LRRC4: variants seen among roughly 807,000 people sequenced by gnomAD.
LRRC4 encodes the protein leucine rich repeat containing 4.
LRRC4 carries 11 observed loss-of-function variants against 37.9 expected under a neutral mutation model. The ratio of observed to expected loss-of-function variants is 0.29; its 90% CI spans 0.18 to 0.48. LRRC4 has a LOEUF of 0.48. Among genes scored for constraint, LRRC4 ranks in the 20% least tolerant of loss-of-function variants. LRRC4 has a pLI of 0.99. For synonymous variants in LRRC4, 404 were observed against 346.7 expected (o/e 1.17, Z -1.84); for missense variants, 717 against 842.1 (o/e 0.85, Z 1.84).
chr7:128,029,381 C>G lies in LRRC4; in HGVS notation c.1260G>C (p.Gly420=). ...NFSHVLLSDT[G]VYTCMVTNVA... is the part of the protein sequence containing the mutation. ...CATTGGTCACCATGCATGTGTACAC[C>G]CCAGTGTCTGAAAGCAGCACGTGGG... is the stretch of plus-strand genomic sequence containing the variant. Residue 420 remains glycine (G), a synonymous_variant, in exon 2 of 2, where the codon GGG becomes GGC. Transcript: ENST00000249363. The surrounding 1 kb of genome is among the most constrained non-coding windows in gnomAD (Gnocchi z 4.2). 1.2e-6 allele frequency: 2 copies of G among 1,614,116 alleles called. No homozygotes were observed. The highest frequency in any genetic ancestry group is 1.7e-6 in the Non-Finnish European group (2 of 1,180,038).
In LRRC4 at chr7:128,030,752, G is replaced by A. The variant is rs948005188; in HGVS notation, c.-100-12C>T. 4 of 1,334,218 alleles carry A rather than the reference G, an allele frequency of 3.0e-6. No homozygotes were observed. Among genetic ancestry groups the A allele is most frequent in the African/African-American group, 3.0e-5 (2 of 67,788 alleles). 82.6% of individuals were successfully genotyped at this position (1,334,218 alleles called of 1,614,324 possible). A position where few individuals can be genotyped will look rare whatever the true frequency, so the allele number is the denominator to read the frequency against. ...GCTCCTCTTTCCATCTGGAGAAGGA[G>A]GTGGGGAGGGGGCGATTAGAGAGAC... On this transcript the variant is annotated splice_polypyrimidine_tract_variant and intron_variant, in intron 1 of 1. Transcript: ENST00000249363.
At position 128,029,741 on chromosome 7, in the gene LRRC4, G is replaced by A; in HGVS notation, c.900C>T (p.Asn300=). ...GAATGTCACAATCACAGTTCCAAGG[G>A]TTGTGGTGTAGATGCAACTCCACCA... ...RYLVELHLHH[N]PWNCDCDILW... is the part of the protein sequence containing the mutation. Residue 300 remains asparagine, a synonymous_variant, in exon 2 of 2, where the codon AAC becomes AAT. Transcript: ENST00000249363. The surrounding 1 kb of genome is among the most constrained non-coding windows in gnomAD (Gnocchi z 4.2). The A allele has an allele frequency of 6.2e-7, 1 of 1,614,142 alleles. No individual in the cohort carries two copies. Among genetic ancestry groups the A allele is most frequent in the Non-Finnish European group, 8.5e-7 (1 of 1,180,040 alleles).
Position 128,029,082 on chromosome 7 carries a change from T to C in LRRC4, c.1559A>G (p.Asp520Gly). ...GATCTTGGTGGTCTTCATGACTTCATCCAGGCTGGTCTGCATCTTGTCAGT... is the reference window on the plus strand; with the variant it reads ...GATCTTGGTGGTCTTCATGACTTCACCCAGGCTGGTCTGCATCTTGTCAGT... ...DTTDKMQTSL[D>G]EVMKTTKIII... Residue 520 changes from aspartate to glycine, a missense_variant, in exon 2 of 2, where the codon GAT becomes GGT. Transcript: ENST00000249363. The surrounding 1 kb of genome is among the most constrained non-coding windows in gnomAD (Gnocchi z 4.2). 6.2e-7 allele frequency: 1 copy of C among 1,613,948 alleles called. No individual in the cohort carries two copies. The highest frequency in any genetic ancestry group is 8.5e-7 in the Non-Finnish European group (1 of 1,179,980).
Position 128,027,833 on chromosome 7 carries a change from G to C in LRRC4, c.*846C>G, listed in dbSNP as rs1803523461. 6.6e-6 allele frequency: 1 copy of C among 152,040 alleles called. No individual in the cohort carries two copies. The highest frequency in any genetic ancestry group is 1.5e-5 in the Non-Finnish European group (1 of 68,028). The allele number at this position is 152,040 out of a possible 1,614,324, so 9.4% of individuals were successfully genotyped here. On this transcript the variant is annotated 3_prime_UTR_variant, in exon 2 of 2. Transcript: ENST00000249363. ...CCCCCCTGCTGCCGCACCCCTTCAG[G>C]GGCCTCCTCCTCCTGGGAAACCCTG...
rs555883061 is a variant in LRRC4, at chr7:128,027,924, T to C, written c.*755A>G. On this transcript the variant is annotated 3_prime_UTR_variant, in exon 2 of 2. Coordinates refer to ENST00000249363, the MANE Select transcript of LRRC4 (RefSeq NM_022143.5). ...AGGAATCTGGTGCAATGTGAAAGCA[T>C]TAGACTGAGAGCTACGCCAGCTCCC... The C allele has an allele frequency of 3.9e-5, 6 of 152,410 alleles. No individual in the cohort carries two copies. The highest frequency in any genetic ancestry group is 8.8e-5 in the Non-Finnish European group (6 of 68,062). 9.4% of individuals were successfully genotyped at this position (152,410 alleles called of 1,614,324 possible). A position where few individuals can be genotyped will look rare whatever the true frequency, so the allele number is the denominator to read the frequency against.
chr7:128,028,370 T>C lies in LRRC4; in HGVS notation c.*309A>G, dbSNP rs760685099. On this transcript the variant is annotated 3_prime_UTR_variant, in exon 2 of 2. Transcript: ENST00000249363. ...TTTAAGGATGTTTGTTGTTTTAGTT[T>C]ATTTTATCTCAGCAATTTCAACCTT... 91 of 264,186 alleles carry C rather than the reference T, an allele frequency of 3.4e-4. No individual in the cohort carries two copies. Among genetic ancestry groups the C allele is most frequent in the Non-Finnish European group, 5.8e-4 (81 of 138,552 alleles). The allele number at this position is 264,186 out of a possible 1,614,324, so 16.4% of individuals were successfully genotyped here. A position where few individuals can be genotyped will look rare whatever the true frequency, so the allele number is the denominator to read the frequency against.
Position 128,028,951 on chromosome 7 carries a change from G to A in LRRC4, c.1690C>T (p.Arg564Trp). The A allele has an allele frequency of 1.2e-6, 2 of 1,607,956 alleles. No individual in the cohort carries two copies. Among genetic ancestry groups the A allele is most frequent in the East Asian group, 2.2e-5 (1 of 44,738 alleles). The change falls in exon 2 of 2, where the codon CGG becomes TGG. Residue 564 changes from arginine (R) to tryptophan (W), a missense_variant. Around this residue, in one of 5 missense-constraint regions of LRRC4, gnomAD observed 140 missense variants for 137.2 expected, o/e 1.02. Coordinates refer to ENST00000249363, the MANE Select transcript of LRRC4 (RefSeq NM_022143.5). ...HQQRSTVTAARTVEIIQVDED... is the reference protein window; with the variant it reads ...HQQRSTVTAAWTVEIIQVDED... Reference sequence around the variant, plus strand: ...TCCACCTGGATTATCTCAACAGTCCGGGCGGCTGTGACTGTACTCCGCTGC... The same window carrying A: ...TCCACCTGGATTATCTCAACAGTCCAGGCGGCTGTGACTGTACTCCGCTGC...
rs1803528853 is a variant in LRRC4, at chr7:128,028,006, T to C, written c.*673A>G. 1 of 152,768 alleles carries C rather than the reference T, an allele frequency of 6.5e-6. No individual in the cohort carries two copies. Among genetic ancestry groups the C allele is most frequent in the African/African-American group, 2.4e-5 (1 of 41,556 alleles). 9.5% of individuals were successfully genotyped at this position (152,768 alleles called of 1,614,324 possible). A position where few individuals can be genotyped will look rare whatever the true frequency, so the allele number is the denominator to read the frequency against. ...TCAGGCAAGGCACATGTGTGTCCAG[T>C]GCACAGACCCCCAAGACTTGTGCAC... is the stretch of plus-strand genomic sequence containing the variant. On this transcript the variant is annotated 3_prime_UTR_variant, in exon 2 of 2. Coordinates refer to ENST00000249363, the MANE Select transcript of LRRC4 (RefSeq NM_022143.5).
rs929341859 is a variant in LRRC4 at position 128,031,330 on chromosome 7, C to T, written c.-518G>A. Among the ~76,000 whole-genome samples the T allele has an allele frequency of 6.6e-6, 1 of 151,804 alleles. No individual in the cohort carries two copies. Among genetic ancestry groups the T allele is most frequent in the Non-Finnish European group, 1.5e-5 (1 of 67,894 alleles). On this transcript the variant is annotated 5_prime_UTR_variant, in exon 1 of 2. Coordinates refer to ENST00000249363, the MANE Select transcript of LRRC4 (RefSeq NM_022143.5). ...CCCGGCCCGCTCTGCGGGCCGCCGC[C>T]GGAGGGAGTGCGGGGGCGCCCCGAA... is the stretch of plus-strand genomic sequence containing the variant.
In LRRC4 at chr7:128,029,114, T is replaced by C. The variant is rs944590490; in HGVS notation, c.1527A>G (p.Thr509=). ...RVPKQVAVPA[T]DTTDKMQTSL... The stretch of plus-strand genomic sequence containing the variant: ...TGGTCTGCATCTTGTCAGTGGTGTC[T>C]GTCGCGGGTACTGCCACCTGCTTGG... The change falls in exon 2 of 2, where the codon ACA becomes ACG. Residue 509 remains threonine (T), a synonymous_variant. Coordinates refer to ENST00000249363, the MANE Select transcript of LRRC4 (RefSeq NM_022143.5). This position sits in a 1 kb window ranked among gnomAD's most constrained non-coding sequence, Gnocchi z 4.2. The C allele has an allele frequency of 1.3e-5, 21 of 1,614,186 alleles. No homozygotes were observed. Among genetic ancestry groups the C allele is most frequent in the Non-Finnish European group, 1.6e-5 (19 of 1,180,032 alleles).
In LRRC4 at chr7:128,029,006, A is replaced by G. The variant is rs73721283; in HGVS notation, c.1635T>C (p.Ile545=). ...AVTLLAAAML[I]VFYKLRKRHQ... ...GCCGCTTACGAAGTTTATAGAAGAC[A>G]ATCAACATGGCGGCAGCTAGCAGAG... Residue 545 remains isoleucine, a synonymous_variant, in exon 2 of 2, where the codon ATT becomes ATC. Transcript: ENST00000249363. This position sits in a 1 kb window ranked among gnomAD's most constrained non-coding sequence, Gnocchi z 4.2. The G allele has an allele frequency of 3.1e-3, 4,922 of 1,613,414 alleles. 149 individuals are homozygous for G. In the African/African-American group the frequency reaches 0.058, roughly 19 times the overall value.
At chr7:128,031,860 C>T (rs1232478794), upstream of LRRC4, among the ~76,000 whole-genome samples, 1 of 150,396 alleles carries the variant, frequency 6.6e-6, no homozygotes, top group Non-Finnish European at 1.5e-5. Context: ...GCTTCGGCTC[C>T]CGGCGCCCTC....
rs1414726948 is a variant in LRRC4 at position 128,029,485 on chromosome 7, G to A, written c.1156C>T (p.Leu386=). 1.2e-6 allele frequency: 2 copies of A among 1,614,068 alleles called. No individual in the cohort carries two copies. Among genetic ancestry groups the A allele is most frequent in the African/African-American group, 2.7e-5 (2 of 74,932 alleles). Residue 386 remains leucine (L), a synonymous_variant, in exon 2 of 2, where the codon CTG becomes TTG. Coordinates refer to ENST00000249363, the MANE Select transcript of LRRC4 (RefSeq NM_022143.5). The surrounding 1 kb of genome is among the most constrained non-coding windows in gnomAD (Gnocchi z 4.2). The stretch of plus-strand genomic sequence containing the variant: ...TGGCTGAGCACTGTCCCATTGGGCA[G>A]CAACCACTTCACGGAGGACATAGGG... The part of the protein sequence containing the change: ...TPPMSSVKWL[L]PNGTVLSHAS...
chr7:128,029,573 CATG>C lies in LRRC4; in HGVS notation c.1065_1067del (p.Ile355del). On this transcript the variant is annotated inframe_deletion, in exon 2 of 2. Coordinates refer to ENST00000249363, the MANE Select transcript of LRRC4 (RefSeq NM_022143.5). The surrounding 1 kb of genome is among the most constrained non-coding windows in gnomAD (Gnocchi z 4.2). ...AAATGTTGAGGTCTCGAGGTGCGTC[CATG>C]ATGAAGGGGGCAGAGCACTGGAAGG... The C allele has an allele frequency of 6.2e-7, 1 of 1,614,004 alleles. No individual in the cohort carries two copies.
Position 128,030,177 on chromosome 7 carries a change from C to G in LRRC4, c.464G>C (p.Arg155Pro). Reference sequence around the variant, plus strand: ...GGGGATGCTTTCGATGGGGTTGTTGCGAAGCCAGAGCTCCCGCAGCTTGGA... The same window carrying G: ...GGGGATGCTTTCGATGGGGTTGTTGGGAAGCCAGAGCTCCCGCAGCTTGGA... ...YLSKLRELWL[R>P]NNPIESIPSY... The change falls in exon 2 of 2, where the codon CGC becomes CCC. Residue 155 changes from arginine (R) to proline (P), a missense_variant. Physicochemically the swap from Arg to Pro is moderately radical, Grantham distance 103. Around this residue, in one of 5 missense-constraint regions of LRRC4, gnomAD observed 138 missense variants for 261.0 expected, o/e 0.53. Transcript: ENST00000249363. 1 of 1,614,206 alleles carries G rather than the reference C, an allele frequency of 6.2e-7. No individual in the cohort carries two copies. The highest frequency in any genetic ancestry group is 8.5e-7 in the Non-Finnish European group (1 of 1,180,040).
Position 128,028,519 on chromosome 7 carries a change from A to T in LRRC4, c.*160T>A. 5.4e-5 allele frequency: 35 copies of T among 642,934 alleles called. No homozygotes were observed. The highest frequency in any genetic ancestry group is 7.5e-5 in the Admixed American group (2 of 26,554). The allele number at this position is 642,934 out of a possible 1,614,324, so 39.8% of individuals were successfully genotyped here. On this transcript the variant is annotated 3_prime_UTR_variant, in exon 2 of 2. Coordinates refer to ENST00000249363, the MANE Select transcript of LRRC4 (RefSeq NM_022143.5). ...CAAGTTAGAAAATATTTTTGTTTTG[A>T]CTTTTTGTCTTTAAATTTTAATATA...
At chr7:128,031,458 G>A (rs79520962), upstream of LRRC4, 4,678 of 151,828 alleles carry the variant, frequency 0.031, 95 homozygotes, top group Non-Finnish European at 0.044. Context: ...GGAGCGGCGA[G>A]AGTTAAGAGG....
Position 128,030,169 on chromosome 7 carries a change from G to T in LRRC4, c.472C>A (p.Pro158Thr). Residue 158 changes from proline (P) to threonine (T), a missense_variant, in exon 2 of 2, where the codon CCC becomes ACC. Coordinates refer to ENST00000249363, the MANE Select transcript of LRRC4 (RefSeq NM_022143.5). ...GCGTAAGAGGGGATGCTTTCGATGG[G>T]GTTGTTGCGAAGCCAGAGCTCCCGC... The part of the protein sequence containing the change: ...KLRELWLRNN[P>T]IESIPSYAFN... 6.2e-7 allele frequency: 1 copy of T among 1,614,232 alleles called. No individual in the cohort carries two copies.
rs1245753515 is a variant in LRRC4, at chr7:128,030,200, G to A, written c.441C>T (p.Ser147=). 16 of 1,614,116 alleles carry A rather than the reference G, an allele frequency of 9.9e-6. No homozygotes were observed. The highest frequency in any genetic ancestry group is 1.3e-5 in the African/African-American group (1 of 74,934). The change falls in exon 2 of 2, where the codon TCC becomes TCT. Residue 147 remains serine, a synonymous_variant. Coordinates refer to ENST00000249363, the MANE Select transcript of LRRC4 (RefSeq NM_022143.5). The stretch of plus-strand genomic sequence containing the variant: ...TGCGAAGCCAGAGCTCCCGCAGCTT[G>A]GACAGGTATTCAAAGGCCCCGCTAG... The part of the protein sequence containing the change: ...VIPSGAFEYL[S]KLRELWLRNN...
Sources: allele counts gnomAD v4.1 joint callset (sites outside exome capture counted in the v4.1 genomes callset), GRCh38; gene constraint gnomAD v4.1.1; regional missense constraint gnomAD v4.1.1; non-coding constraint Gnocchi (gnomAD v3.1); transcripts MANE v1.5; gene names NCBI Gene and HGNC (gene_info 2026-07-23, HGNC 2026-07-21).